Variants in STXBP5L observed in about 807,000 individuals in gnomAD.
STXBP5L encodes the protein syntaxin-binding protein 5-like.
STXBP5L carries 65 observed loss-of-function variants against 144.5 expected under a neutral mutation model. The ratio of observed to expected loss-of-function variants is 0.45; its 90% CI spans 0.37 to 0.55. The LOEUF (loss-of-function observed/expected upper bound fraction) is 0.55, where lower values mean the gene tolerates loss of function less well. Among genes scored for constraint, STXBP5L ranks in the 20% least tolerant of loss-of-function variants. The probability of loss-of-function intolerance (pLI) is 0.00; values close to 1 mark genes in which losing one functional copy is unlikely to be tolerated. For synonymous variants in STXBP5L, 505 were observed against 469.6 expected (o/e 1.08, Z -0.97); for missense variants, 1,298 against 1,405.5 (o/e 0.92, Z 1.22).
At chr3:121,096,438 C>T (rs1374245150) in intron 5 of STXBP5L, among the ~76,000 whole-genome samples, 1 of 152,134 alleles carries the variant, frequency 6.6e-6, no homozygotes, top group Non-Finnish European at 1.5e-5. Flanking sequence ...AAGAGGTGTT[C>T]TGGTTTTTGG....
At chr3:121,361,648 T>G (rs2045715314) in intron 20 of STXBP5L, among the ~76,000 whole-genome samples, 1 of 152,048 alleles carries the variant, frequency 6.6e-6, no homozygotes, top group South Asian at 2.1e-4. Flanking sequence ...TTTGATTATT[T>G]CAATCTCTTG....
chr3:121,011,436 A>G (rs1217433935), intron 3 of STXBP5L, among the ~76,000 whole-genome samples: 1 of 151,662 alleles, frequency 6.6e-6, no homozygotes, highest in African/African-American at 2.4e-5. Flanking sequence ...TGAGATTTTC[A>G]GATAATTGGG....
intron 3 of STXBP5L, among the ~76,000 whole-genome samples, chr3:121,018,943 CT>C (rs1945342736): frequency 6.6e-6 from 1 of 152,188 alleles, no homozygotes; most frequent in South Asian, 2.1e-4. Context: ...AGCCTGCTTG[CT>C]TTCTCAGCTT....
At chr3:120,978,359 C>T (rs372589902) in intron 3 of STXBP5L, among the ~76,000 whole-genome samples, 55 of 152,242 alleles carry the variant, frequency 3.6e-4, no homozygotes, top group African/African-American at 1.3e-3. Context: ...CTTCTGCATT[C>T]TTCACGTAGT....
Position 121,138,004 on chromosome 3 carries a change from A to G in STXBP5L, c.670-14473A>G, listed in dbSNP as rs148263958. ...GAAGTTAAATTGTCCCTTTTTGCTGATGACATGATTTTATACATAGAAATC... is the reference window on the plus strand; with the variant it reads ...GAAGTTAAATTGTCCCTTTTTGCTGGTGACATGATTTTATACATAGAAATC... On this transcript the variant is annotated intron_variant, in intron 7 of 26. Coordinates refer to ENST00000471454, the MANE Select transcript of STXBP5L (RefSeq NM_001308330.2). Among the ~76,000 whole-genome samples the G allele has an allele frequency of 6.6e-3, 1,004 of 152,224 alleles. 4 individuals carry two copies. Among genetic ancestry groups the G allele is most frequent in the Non-Finnish European group, 0.01 (702 of 67,968 alleles).
chr3:121,085,596 A>C (rs1454438037), intron 5 of STXBP5L, among the ~76,000 whole-genome samples: 1 of 152,180 alleles, frequency 6.6e-6, no homozygotes, highest in East Asian at 1.9e-4. Context: ...AGAGAATAAA[A>C]TATCTAGGAA....
chr3:121,158,422 A>G (rs2046197555), intron 9 of STXBP5L: 1 of 152,152 alleles, frequency 6.6e-6, no homozygotes. Flanking sequence ...GTTTTCTGTA[A>G]TGGGTGACCC....
At chr3:121,223,820 G>T (rs1289904887) in intron 11 of STXBP5L, among the ~76,000 whole-genome samples, 1 of 152,036 alleles carries the variant, frequency 6.6e-6, no homozygotes, top group African/African-American at 2.4e-5. Context: ...ATGTGGCCAG[G>T]TGTGGTGACT....
intron 22 of STXBP5L, 30 bp downstream of exon 22, chr3:121,381,562 CTG>C (rs777628448): frequency 1.3e-6 from 2 of 1,574,978 alleles, no homozygotes; most frequent in East Asian, 4.5e-5. Flanking sequence ...CATTCCTTCA[CTG>C]TTACTTTTTC....
intron 5 of STXBP5L, among the ~76,000 whole-genome samples, chr3:121,051,012 A>C (rs1947937331): frequency 6.6e-6 from 1 of 152,238 alleles, no homozygotes. Flanking sequence ...TGGTAAAGGG[A>C]TCAATTCAAC....
chr3:121,090,929 TC>T (rs1181583743), intron 5 of STXBP5L, among the ~76,000 whole-genome samples: 297 of 56,454 alleles, frequency 5.3e-3, no homozygotes, highest in African/African-American at 0.024. Context: ...CCCTCCCCCC[TC>T]CCCCCACCCC....
intron 3 of STXBP5L, among the ~76,000 whole-genome samples, chr3:120,964,989 CTCT>C (rs1939378673): frequency 1.3e-5 from 2 of 152,292 alleles, no homozygotes; most frequent in Non-Finnish European, 2.9e-5. Flanking sequence ...CAGTAGTTAG[CTCT>C]TCTTGTTGAA....
intron 4 of STXBP5L, among the ~76,000 whole-genome samples, chr3:121,045,076 A>G (rs1947419690): frequency 6.6e-6 from 1 of 152,120 alleles, no homozygotes; most frequent in Non-Finnish European, 1.5e-5. Flanking sequence ...CTTCTCTGTA[A>G]GGCTATATAG....
In STXBP5L at chr3:121,028,283, CTT is replaced by C. The variant is rs771469741; in HGVS notation, c.288-13413_288-13412del. On this transcript the variant is annotated intron_variant, in intron 3 of 26. Transcript: ENST00000471454. The stretch of plus-strand genomic sequence containing the variant: ...TGCTATTAATAAATAGAAATAATAA[CTT>C]TTTCAGGCTATAGCAGAAATTTTTG... Among the ~76,000 whole-genome samples, 102 of 152,074 alleles carry C rather than the reference CTT, an allele frequency of 6.7e-4. 1 individual carries two copies. Among genetic ancestry groups the C allele is most frequent in the Non-Finnish European group, 1.5e-4 (10 of 67,962 alleles).
chr3:121,164,062 A>T (rs1211182350), intron 9 of STXBP5L, among the ~76,000 whole-genome samples: 1 of 152,106 alleles, frequency 6.6e-6, no homozygotes, highest in South Asian at 2.1e-4. Context: ...AATTTAGAAC[A>T]TTTTCATCAC....
chr3:120,970,462 G>A (rs141375373), intron 3 of STXBP5L, among the ~76,000 whole-genome samples: 2 of 152,152 alleles, frequency 1.3e-5, no homozygotes, highest in African/African-American at 4.8e-5. Context: ...TTTTTGGATG[G>A]CAATTTTTCC....
At chr3:121,004,363 G>T (rs955396116) in intron 3 of STXBP5L, among the ~76,000 whole-genome samples, 2 of 152,002 alleles carry the variant, frequency 1.3e-5, no homozygotes, top group Non-Finnish European at 2.9e-5. Flanking sequence ...TCTGTTATTG[G>T]TGTATAAGAA....
chr3:121,281,138 T>G (rs1027630484), intron 19 of STXBP5L, among the ~76,000 whole-genome samples: 3 of 151,854 alleles, frequency 2.0e-5, no homozygotes, highest in Non-Finnish European at 4.4e-5. Context: ...AATTTCCTTT[T>G]TGGACTAATG....
Position 121,275,562 on chromosome 3 carries a change from G to A in STXBP5L, c.1959-4243G>A, listed in dbSNP as rs532948718. 2.6e-4 allele frequency among the ~76,000 whole-genome samples: 39 copies of A among 152,098 alleles called. No homozygotes were observed. In the South Asian group the frequency reaches 6.6e-3, roughly 26 times the overall value. ...TTCAGTGAAGGAGGTTCACAGTGTC[G>A]CTTACAAATTCTATATCCCTACTGA... On this transcript the variant is annotated intron_variant, in intron 18 of 26. Coordinates refer to ENST00000471454, the MANE Select transcript of STXBP5L (RefSeq NM_001308330.2).
Sources: allele counts gnomAD v4.1 joint callset (sites outside exome capture counted in the v4.1 genomes callset), GRCh38; gene constraint gnomAD v4.1.1; transcripts MANE v1.5; gene names NCBI Gene and HGNC (gene_info 2026-07-23, HGNC 2026-07-21).